Variants in PLPP1 observed in about 807,000 individuals in gnomAD.
The protein encoded by PLPP1 is phospholipid phosphatase 1, also known as lipid phosphate phosphohydrolase 1a.
Under a neutral mutation model 31.2 loss-of-function variants are expected in PLPP1, and 24 were observed. That is an observed-to-expected ratio of 0.77 (90% confidence interval 0.56 to 1.08). The LOEUF is 1.08. Ranked by LOEUF, PLPP1 falls within the 50% of genes least tolerant of loss-of-function variation. The pLI, the probability that PLPP1 is intolerant of heterozygous loss-of-function variation, is 0.00. For synonymous variants in PLPP1, 146 were observed against 126.3 expected, an observed-to-expected ratio of 1.16 and a Z score of -1.05; for missense variants, 319 against 342.7, an observed-to-expected ratio of 0.93 and a Z score of 0.55.
chr5:55,425,292 T>TAA lies in PLPP1; in HGVS notation c.767_768dup (p.Lys257LeufsTer84). 1 of 1,609,330 alleles carries TAA rather than the reference T, an allele frequency of 6.2e-7. No homozygotes were observed. The highest frequency in any genetic ancestry group is 8.5e-7 in the Non-Finnish European group (1 of 1,175,942). ...TGAGAGTCCTCCTCTTTTCTTTCTT[T>TAA]AAAAGAAGTTCTTTCTTTGAAGAAA... On this transcript the variant is annotated frameshift_variant, in exon 6 of 6. Transcript: ENST00000307259. LOFTEE classifies it high-confidence loss of function.
intron 1 of PLPP1, among the ~76,000 whole-genome samples, chr5:55,525,502 T>TG (rs757031095): frequency 2.6e-5 from 4 of 152,206 alleles, no homozygotes; most frequent in Admixed American, 6.5e-5. Context: ...TTATAATTTT[T>TG]GTTTGTTTAA....
At chr5:55,490,971 G>A (rs201580012) in intron 1 of PLPP1, 7 of 1,610,108 alleles carry the variant, frequency 4.3e-6, no homozygotes, top group African/African-American at 4.0e-5. Flanking sequence ...GAGGAAATGG[G>A]CAAGCCAACC....
intron 4 of PLPP1, among the ~76,000 whole-genome samples, chr5:55,429,753 C>A (rs538141432): frequency 3.3e-5 from 5 of 152,228 alleles, no homozygotes; most frequent in African/African-American, 1.2e-4. Context: ...GGTGCTGCCG[C>A]AGGGCCAAAG....
chr5:55,444,597 G>A (rs1218792994), intron 3 of PLPP1, among the ~76,000 whole-genome samples: 1 of 152,122 alleles, frequency 6.6e-6, no homozygotes, highest in Non-Finnish European at 1.5e-5. Flanking sequence ...ATCTTCTCAG[G>A]AAGAAAATTT....
At chr5:55,425,656 T>G in intron 5 of PLPP1, 1 of 501,472 alleles carries the variant, frequency 2.0e-6, no homozygotes, top group South Asian at 5.3e-5. Context: ...ATAAAAATAC[T>G]AAGATTTTAC....
At chr5:55,460,836 A>G (rs1752138828) in intron 3 of PLPP1, among the ~76,000 whole-genome samples, 1 of 152,026 alleles carries the variant, frequency 6.6e-6, no homozygotes, top group Admixed American at 6.6e-5. Context: ...ACAGAACAAG[A>G]CTCCATCTCT....
At chr5:55,517,374 T>C (rs1256457790) in intron 1 of PLPP1, among the ~76,000 whole-genome samples, 4 of 152,052 alleles carry the variant, frequency 2.6e-5, no homozygotes, top group Admixed American at 1.3e-4. Context: ...TTTTGTTTTT[T>C]TGGGTAGAAA....
chr5:55,500,324 CT>C (rs1357382530), intron 1 of PLPP1, among the ~76,000 whole-genome samples: 7 of 152,126 alleles, frequency 4.6e-5, no homozygotes, highest in Non-Finnish European at 8.8e-5. Context: ...CATGAACCCC[CT>C]GCCTCAGCCT....
intron 3 of PLPP1, among the ~76,000 whole-genome samples, chr5:55,443,192 A>AAAAAAAAAAAAATATATATAT: frequency 2.4e-3 from 60 of 25,348 alleles, no homozygotes; most frequent in Non-Finnish European, 3.2e-3. Context: ...AAAAAAAAAA[A>AAAAAAAAAAAAATATATATAT]ATATATATAT....
chr5:55,492,984 C>T (rs937999453), intron 1 of PLPP1, among the ~76,000 whole-genome samples: 1 of 152,062 alleles, frequency 6.6e-6, no homozygotes, highest in African/African-American at 2.4e-5. Context: ...CTTTAAAAAC[C>T]TCACTCAGTA....
intron 1 of PLPP1, among the ~76,000 whole-genome samples, chr5:55,504,003 G>A (rs370036310): frequency 2.0e-5 from 3 of 151,766 alleles, no homozygotes; most frequent in Non-Finnish European, 4.4e-5. Flanking sequence ...GAACGGGTGC[G>A]GTGGCTCACA....
intron 1 of PLPP1, among the ~76,000 whole-genome samples, chr5:55,479,614 C>T (rs1752630183): frequency 7.5e-6 from 1 of 133,132 alleles, no homozygotes; most frequent in Admixed American, 8.4e-5. Flanking sequence ...GAGGAAGAAG[C>T]AGTGACTAGC....
chr5:55,520,731 T>C (rs557511739), intron 1 of PLPP1, among the ~76,000 whole-genome samples: 4 of 152,368 alleles, frequency 2.6e-5, no homozygotes, highest in Non-Finnish European at 4.4e-5. Flanking sequence ...TGAATGGCGA[T>C]ACACTTCCTA....
At chr5:55,481,802 A>T (rs1003364619) in intron 1 of PLPP1, among the ~76,000 whole-genome samples, 4 of 152,172 alleles carry the variant, frequency 2.6e-5, no homozygotes, top group Non-Finnish European at 5.9e-5. Context: ...AAAATTGCTC[A>T]TAAGAATTGA....
In PLPP1 at chr5:55,425,258, A is replaced by G. The variant is rs753289960; in HGVS notation, c.803T>C (p.Leu268Pro). The G allele has an allele frequency of 6.2e-7, 1 of 1,613,820 alleles. No individual in the cohort carries two copies. The highest frequency in any genetic ancestry group is 8.5e-7 in the Non-Finnish European group (1 of 1,179,780). Residue 268 changes from leucine to proline, a missense_variant, in exon 6 of 6, where the codon CTG becomes CCG. Transcript: ENST00000307259. ...ATTCCCAGTTGTTGGTGTTTCATGC[A>G]GAGTTGTATGAGAGTCCTCCTCTTT... ...ERKEEDSHTT[L>P]HETPTTGNHY...
At chr5:55,482,160 T>C (rs1380919839) in intron 1 of PLPP1, among the ~76,000 whole-genome samples, 1 of 148,990 alleles carries the variant, frequency 6.7e-6, no homozygotes, top group Non-Finnish European at 1.5e-5. Flanking sequence ...GAGATATACA[T>C]ATCTCATACA....
At chr5:55,519,565 A>G (rs547911254) in intron 1 of PLPP1, among the ~76,000 whole-genome samples, 61 of 152,132 alleles carry the variant, frequency 4.0e-4, no homozygotes, top group Non-Finnish European at 8.1e-4. Flanking sequence ...CCTGGCCCAC[A>G]TGGTGAAACC....
intron 3 of PLPP1, among the ~76,000 whole-genome samples, chr5:55,443,212 T>TATATACAC (rs1169152710): frequency 8.6e-5 from 9 of 105,004 alleles, no homozygotes; most frequent in East Asian, 5.3e-4. Context: ...TATATATATA[T>TATATACAC]ACACACACAC....
At chr5:55,528,554 A>G (rs1430216410) in intron 1 of PLPP1, among the ~76,000 whole-genome samples, 1 of 152,260 alleles carries the variant, frequency 6.6e-6, no homozygotes, top group African/African-American at 2.4e-5. Flanking sequence ...AGTGTCCATT[A>G]ATCGGCAGCC....
Sources: allele counts gnomAD v4.1 joint callset (sites outside exome capture counted in the v4.1 genomes callset), GRCh38; gene constraint gnomAD v4.1.1; transcripts MANE v1.5; gene names NCBI Gene and HGNC (gene_info 2026-07-23, HGNC 2026-07-21).